The following ESRRG variants were observed in gnomAD, a reference collection of about 807,000 sequenced individuals.
ESRRG encodes the protein estrogen related receptor gamma.
In ESRRG, 13 loss-of-function variants were observed where a neutral mutation model predicts 44.0. The ratio of observed to expected loss-of-function variants is 0.30; its 90% CI spans 0.19 to 0.47. The LOEUF (loss-of-function observed/expected upper bound fraction) is 0.47, where lower values mean the gene tolerates loss of function less well. Ranked by LOEUF, ESRRG falls within the 20% of genes least tolerant of loss-of-function variation. The pLI, the probability that ESRRG is intolerant of heterozygous loss-of-function variation, is 1.00. For missense variants in ESRRG, 395 were observed against 580.6 expected, an observed-to-expected ratio of 0.68 and a Z score of 3.29; for synonymous variants, 215 against 214.6, an observed-to-expected ratio of 1.00 and a Z score of -0.02.
intron 3 of ESRRG, among the ~76,000 whole-genome samples, chr1:216,611,211 CAAAA>C (rs397861468): frequency 3.3e-5 from 2 of 60,420 alleles, no homozygotes. Context: ...ACTCCGTCCT[CAAAA>C]AAAAAAAAAA....
At chr1:216,724,588 A>T (rs141494508), upstream of ESRRG, among the ~76,000 whole-genome samples, 51 of 152,272 alleles carry the variant, frequency 3.3e-4, no homozygotes, top group African/African-American at 1.2e-3. Flanking sequence ...ACATTTTATA[A>T]ACCATCACAC....
chr1:217,080,270 T>A (rs2091638374), intron 1 of ESRRG, among the ~76,000 whole-genome samples: 1 of 152,200 alleles, frequency 6.6e-6, no homozygotes, highest in African/African-American at 2.4e-5. Flanking sequence ...TTAAAGATAT[T>A]ACCTGTTTAA....
intron 2 of ESRRG, among the ~76,000 whole-genome samples, chr1:216,738,834 T>G (rs1474508532): frequency 2.0e-5 from 3 of 152,182 alleles, no homozygotes; most frequent in Admixed American, 6.5e-5. Flanking sequence ...TTTAAAAATT[T>G]TATTTGTTAT....
intron 2 of ESRRG, among the ~76,000 whole-genome samples, chr1:216,892,570 T>C (rs2057940146): frequency 6.6e-6 from 1 of 152,166 alleles, no homozygotes; most frequent in South Asian, 2.1e-4. Context: ...GAAGCTAAAG[T>C]GGATGTTGGG....
At chr1:217,136,300 G>C (rs1558302353) in intron 1 of ESRRG, among the ~76,000 whole-genome samples, 2 of 152,220 alleles carry the variant, frequency 1.3e-5, no homozygotes, top group Admixed American at 6.5e-5. Context: ...CAGGAATTTA[G>C]GTAACCCAGA....
chr1:216,654,823 G>A (rs1051360495), intron 2 of ESRRG, among the ~76,000 whole-genome samples: 8 of 152,038 alleles, frequency 5.3e-5, no homozygotes, highest in African/African-American at 1.9e-4. Flanking sequence ...ATACTGATAT[G>A]AATAGGATAA....
intron 6 of ESRRG, among the ~76,000 whole-genome samples, chr1:216,511,590 T>C (rs1019743577): frequency 1.2e-5 from 1 of 84,574 alleles, no homozygotes; most frequent in African/African-American, 3.4e-5. Flanking sequence ...GAGGTCTATG[T>C]GTGTCTGCAT....
intron 1 of ESRRG, chr1:216,686,072 A>C (rs1479391928): frequency 1.3e-5 from 2 of 152,212 alleles, no homozygotes; most frequent in African/African-American, 4.8e-5. Context: ...AACTATATTT[A>C]TATTTTTACC....
At chr1:216,522,598 C>T (rs182673754) in intron 5 of ESRRG, among the ~76,000 whole-genome samples, 145 of 152,170 alleles carry the variant, frequency 9.5e-4, no homozygotes, top group African/African-American at 3.3e-3. Flanking sequence ...TAGTCATGTT[C>T]ATCTGGTCAC....
chr1:216,609,895 C>A (rs190479960), intron 3 of ESRRG, among the ~76,000 whole-genome samples: 3 of 152,124 alleles, frequency 2.0e-5, no homozygotes, highest in African/African-American at 7.2e-5. Flanking sequence ...GTATTTTGCA[C>A]GTTTCAATAT....
chr1:216,781,858 G>A (rs933026593), intron 2 of ESRRG, among the ~76,000 whole-genome samples: 5 of 151,994 alleles, frequency 3.3e-5, no homozygotes, highest in African/African-American at 1.2e-4. Context: ...TCATATTTAT[G>A]TACTGCACAG....
intron 1 of ESRRG, among the ~76,000 whole-genome samples, chr1:217,037,252 A>G (rs1479826988): frequency 6.6e-6 from 1 of 152,128 alleles, no homozygotes; most frequent in Non-Finnish European, 1.5e-5. Flanking sequence ...ATTTCACTGT[A>G]TTAGTCTGTT....
Position 216,741,206 on chromosome 1 carries a change from ATATAATTTATATTATATAATTTATATT to A in ESRRG, c.-13-63742_-13-63716del, listed in dbSNP as rs1158814773. Among the ~76,000 whole-genome samples, 210 of 138,018 alleles carry A rather than the reference ATATAATTTATATTATATAATTTATATT, an allele frequency of 1.5e-3. 1 individual carries two copies. Among genetic ancestry groups the A allele is most frequent in the African/African-American group, 4.8e-3 (175 of 36,468 alleles). 90.5% of individuals were successfully genotyped at this position (138,018 alleles called of 152,430 possible). ...TATATTATATTTATATTTATAATTTATATAATTTATATTATATAATTTATATTTATAATTTATATTATATAATTTATA... is the reference window on the plus strand; with the variant it reads ...TATATTATATTTATATTTATAATTTATATAATTTATATTATATAATTTATA... On this transcript the variant is annotated intron_variant, in intron 2 of 7. Transcript: ENST00000359162.
intron 2 of ESRRG, among the ~76,000 whole-genome samples, chr1:216,779,040 T>C (rs916647394): frequency 2.8e-4 from 41 of 146,212 alleles, no homozygotes; most frequent in Admixed American, 2.7e-3. Flanking sequence ...ACTGTAAAGA[T>C]CCCTTCCTTA....
chr1:216,646,662 C>T (rs1407154827), intron 3 of ESRRG, among the ~76,000 whole-genome samples: 1 of 152,144 alleles, frequency 6.6e-6, no homozygotes, highest in East Asian at 1.9e-4. Flanking sequence ...TGCAGTATCT[C>T]ATTGGCTATT....
At chr1:217,043,559 C>G (rs1252003501) in intron 1 of ESRRG, among the ~76,000 whole-genome samples, 1 of 152,196 alleles carries the variant, frequency 6.6e-6, no homozygotes, top group Non-Finnish European at 1.5e-5. Context: ...GAGCCATCAT[C>G]TTAACCAGAA....
chr1:216,657,526 A>G (rs957393093), intron 2 of ESRRG, among the ~76,000 whole-genome samples: 2 of 152,154 alleles, frequency 1.3e-5, no homozygotes, highest in African/African-American at 4.8e-5. Context: ...ATTTTTGTCC[A>G]TTACTAAATT....
chr1:216,545,533 C>T, intron 5 of ESRRG, among the ~76,000 whole-genome samples: 1 of 152,082 alleles, frequency 6.6e-6, no homozygotes, highest in East Asian at 1.9e-4. Context: ...ATTCAAATGT[C>T]TTCAAATATA....
chr1:216,657,891 A>G (rs1167911783), intron 2 of ESRRG, among the ~76,000 whole-genome samples: 4 of 152,156 alleles, frequency 2.6e-5, no homozygotes, highest in Non-Finnish European at 5.9e-5. Flanking sequence ...TTAGCATTCT[A>G]TAGGATTAAA....
Sources: allele counts gnomAD v4.1 joint callset (sites outside exome capture counted in the v4.1 genomes callset), GRCh38; gene constraint gnomAD v4.1.1; transcripts MANE v1.5; gene names NCBI Gene and HGNC (gene_info 2026-07-23, HGNC 2026-07-21).